TBCD: variants seen among roughly 807,000 people sequenced by gnomAD.
The protein encoded by TBCD is tubulin-specific chaperone D.
Under a neutral mutation model 169.3 loss-of-function variants are expected in TBCD, and 105 were observed. The ratio of observed to expected loss-of-function variants is 0.62; its 90% CI spans 0.53 to 0.73. The LOEUF (loss-of-function observed/expected upper bound fraction) is 0.73, where lower values mean the gene tolerates loss of function less well. TBCD is among the 30% of genes least tolerant of loss of function. The pLI is 0.00. For synonymous variants in TBCD, 700 were observed against 643.9 expected (o/e 1.09, Z -1.32); for missense variants, 1,444 against 1,600.1 (o/e 0.90, Z 1.66).
chr17:82,854,114 T>C (rs140889997), intron 13 of TBCD, among the ~76,000 whole-genome samples: 29 of 152,352 alleles, frequency 1.9e-4, no homozygotes, highest in Non-Finnish European at 3.8e-4. Context: ...TCACTTTCCA[T>C]CTGACATATT....
intron 18 of TBCD, among the ~76,000 whole-genome samples, chr17:82,901,812 T>C (rs1253571685): frequency 6.6e-6 from 1 of 152,222 alleles, no homozygotes; most frequent in Non-Finnish European, 1.5e-5. Flanking sequence ...TGTGAATTCC[T>C]GAGACTCGGG....
At chr17:82,767,174 C>G (rs1444334836) in intron 4 of TBCD, among the ~76,000 whole-genome samples, 2 of 152,110 alleles carry the variant, frequency 1.3e-5, no homozygotes, top group East Asian at 3.9e-4. Flanking sequence ...GGCAGCGGGG[C>G]CTGCTATGCT....
intron 7 of TBCD, among the ~76,000 whole-genome samples, chr17:82,790,354 A>G (rs1411501282): frequency 6.6e-6 from 1 of 152,110 alleles, no homozygotes; most frequent in Non-Finnish European, 1.5e-5. Flanking sequence ...GCCTGCGTAA[A>G]GGGTGGCCTC....
At chr17:82,937,250 A>T in intron 34 of TBCD, 21 bp from the exon 35 acceptor site, 1 of 1,612,040 alleles carries the variant, frequency 6.2e-7, no homozygotes, top group African/African-American at 1.3e-5. Flanking sequence ...CTCATCTCTA[A>T]AGTGTGTGTT....
intron 13 of TBCD, among the ~76,000 whole-genome samples, chr17:82,818,246 G>A (rs1326094487): frequency 6.6e-6 from 1 of 152,234 alleles, no homozygotes; most frequent in African/African-American, 2.4e-5. Flanking sequence ...CTCCATGTGA[G>A]CTGAACCCTC....
At chr17:82,823,239 C>T (rs372726591) in intron 13 of TBCD, among the ~76,000 whole-genome samples, 1 of 152,194 alleles carries the variant, frequency 6.6e-6, no homozygotes, top group African/African-American at 2.4e-5. Flanking sequence ...TGTGGCCTGG[C>T]CTGACCCTGC....
chr17:82,865,542 G>C, intron 13 of TBCD: 1 of 985,450 alleles, frequency 1.0e-6, no homozygotes, highest in Non-Finnish European at 1.2e-6. Context: ...TGCCGCGGGG[G>C]TACTCGGCTG....
At chr17:82,941,517 G>A (rs768560660) in intron 38 of TBCD, 34 bp downstream of exon 38, 7 of 1,542,474 alleles carry the variant, frequency 4.5e-6, no homozygotes, top group Non-Finnish European at 6.1e-6. Flanking sequence ...TGAGGTGCCT[G>A]TGCTTCCCTG....
chr17:82,941,584 A>G, intron 38 of TBCD, 101 bp downstream of exon 38: 1 of 1,056,704 alleles, frequency 9.5e-7, no homozygotes, highest in Non-Finnish European at 1.4e-6. Context: ...GCACGTCCAC[A>G]CGGCCCGTTC....
rs897855002 is a variant in TBCD, at chr17:82,874,553, C to A, written c.1475+4173C>A. On this transcript the variant is annotated intron_variant, in intron 14 of 38. Coordinates refer to ENST00000355528, the MANE Select transcript of TBCD (RefSeq NM_005993.5). This position sits in a 1 kb window ranked among gnomAD's most constrained non-coding sequence, Gnocchi z 5.0. ...CCCCTCGCCCCTTTACCTGTGCCAT[C>A]CCGGCCGCAGACCCAAGGGTGCCCT... Among the ~76,000 whole-genome samples the A allele has an allele frequency of 6.6e-6, 1 of 152,204 alleles. No homozygotes were observed. Among genetic ancestry groups the A allele is most frequent in the African/African-American group, 2.4e-5 (1 of 41,456 alleles).
intron 11 of TBCD, among the ~76,000 whole-genome samples, chr17:82,808,421 C>T (rs543461694): frequency 9.0e-4 from 55 of 60,986 alleles, no homozygotes; most frequent in Admixed American, 1.5e-3. Context: ...GAGGCAGGTG[C>T]GGGGGCAGTA....
At chr17:82,827,256 A>G (rs1249283161) in intron 13 of TBCD, among the ~76,000 whole-genome samples, 2 of 152,186 alleles carry the variant, frequency 1.3e-5, no homozygotes, top group African/African-American at 2.4e-5. Context: ...CTGTGAAGTG[A>G]TGCGTTGACA....
intron 38 of TBCD, 68 bp from the exon 39 acceptor site, chr17:82,942,381 G>C: frequency 6.2e-7 from 1 of 1,608,308 alleles, no homozygotes; most frequent in Non-Finnish European, 8.5e-7. Flanking sequence ...AGAGGGGTGA[G>C]GGTCCCCTGG....
intron 7 of TBCD, chr17:82,796,236 G>GC (rs2050099674): frequency 6.6e-6 from 1 of 152,238 alleles, no homozygotes; most frequent in South Asian, 2.1e-4. Flanking sequence ...GCTCGCCTGT[G>GC]CCCCACGGTT....
intron 7 of TBCD, among the ~76,000 whole-genome samples, chr17:82,791,949 G>A (rs1006988694): frequency 2.0e-5 from 3 of 152,196 alleles, no homozygotes; most frequent in Non-Finnish European, 4.4e-5. Flanking sequence ...ACCTGACTGT[G>A]CTGAATACTG....
At chr17:82,779,191 T>C in intron 6 of TBCD, among the ~76,000 whole-genome samples, 1 of 151,606 alleles carries the variant, frequency 6.6e-6, no homozygotes, top group Non-Finnish European at 1.5e-5. Context: ...TTTTAATATT[T>C]TTAGTAGAGA....
intron 13 of TBCD, among the ~76,000 whole-genome samples, chr17:82,836,504 A>G (rs1296833549): frequency 6.6e-6 from 1 of 152,220 alleles, no homozygotes; most frequent in African/African-American, 2.4e-5. Context: ...GGAGCAGATG[A>G]TTCCCTCAGG....
Position 82,928,095 on chromosome 17 carries a change from C to T in TBCD, c.2693+107C>T. The T allele has an allele frequency of 2.9e-5, 28 of 955,790 alleles. No individual in the cohort carries two copies. In the South Asian group the frequency reaches 4.0e-4, roughly 14 times the overall value. The allele number at this position is 955,790 out of a possible 1,614,324, so 59.2% of individuals were successfully genotyped here. On this transcript the variant is annotated intron_variant, in intron 30 of 38. Transcript: ENST00000355528. The stretch of plus-strand genomic sequence containing the variant: ...GCTCAGTGGCATTTGCACTGCTGGG[C>T]ACACACCCTCCTCCCAGAGAGCCTC...
At chr17:82,836,794 G>GTGT (rs1364618510) in intron 13 of TBCD, among the ~76,000 whole-genome samples, 1 of 152,176 alleles carries the variant, frequency 6.6e-6, no homozygotes, top group Non-Finnish European at 1.5e-5. Flanking sequence ...GGCAGGTTAC[G>GTGT]TGTAAGCTCT....
Sources: allele counts gnomAD v4.1 joint callset (sites outside exome capture counted in the v4.1 genomes callset), GRCh38; gene constraint gnomAD v4.1.1; non-coding constraint Gnocchi (gnomAD v3.1); transcripts MANE v1.5; gene names NCBI Gene and HGNC (gene_info 2026-07-23, HGNC 2026-07-21).